ARHGEF12: variants seen among roughly 807,000 people sequenced by gnomAD.
ARHGEF12 encodes the protein Rho guanine nucleotide exchange factor 12.
Under a neutral mutation model 211.2 loss-of-function variants are expected in ARHGEF12, and 66 were observed. The ratio of observed to expected loss-of-function variants is 0.31; its 90% confidence interval spans 0.26 to 0.38. The LOEUF is 0.38. ARHGEF12 is among the 10% of genes least tolerant of loss of function. The probability of loss-of-function intolerance (pLI) is 1.00; values close to 1 mark genes in which losing one functional copy is unlikely to be tolerated. For missense variants in ARHGEF12, 1,429 were observed against 1,869.5 expected (o/e 0.76, Z 4.34); for synonymous variants, 592 against 638.4 (o/e 0.93, Z 1.09).
At chr11:120,476,833 A>G in intron 34 of ARHGEF12, 85 bp downstream of exon 34, 1 of 1,119,186 alleles carries the variant, frequency 8.9e-7, no homozygotes, top group Non-Finnish European at 1.3e-6. Context: ...CTTTGTTTTT[A>G]TAATGTATGG....
At chr11:120,460,169 A>AT (rs1453306954) in intron 26 of ARHGEF12, among the ~76,000 whole-genome samples, 2 of 152,166 alleles carry the variant, frequency 1.3e-5, no homozygotes, top group African/African-American at 4.8e-5. Flanking sequence ...ATGACCCTTA[A>AT]TTTTTTTATC....
At chr11:120,467,960 C>T (rs1946757665) in intron 29 of ARHGEF12, among the ~76,000 whole-genome samples, 2 of 152,140 alleles carry the variant, frequency 1.3e-5, no homozygotes, top group Non-Finnish European at 2.9e-5. Context: ...GTAGTTTTAT[C>T]GGTGCCCATT....
rs766894 is a variant in ARHGEF12, at chr11:120,458,149, T to C, written c.2295T>C (p.Asp765=). Residue 765 remains aspartate, a synonymous_variant, in exon 25 of 41, where the codon GAT becomes GAC. Coordinates refer to ENST00000397843, the MANE Select transcript of ARHGEF12 (RefSeq NM_015313.3). ...AATTTGAAAATGACTTAGAGACAGA[T>C]CCACCCAACTGGCAGCAGCTTGTTA... The part of the protein sequence containing the change: ...DEQFENDLET[D]PPNWQQLVSR... 0.21 allele frequency: 330,978 copies of C among 1,611,328 alleles called. 36,525 individuals carry two copies. Among genetic ancestry groups the C allele is most frequent in the Non-Finnish European group, 0.23 (266,302 of 1,179,276 alleles).
intron 1 of ARHGEF12, among the ~76,000 whole-genome samples, chr11:120,357,964 T>C (rs551366569): frequency 2.0e-5 from 3 of 152,146 alleles, no homozygotes; most frequent in Non-Finnish European, 4.4e-5. Flanking sequence ...AGGTTGATGA[T>C]GGATGGGCAC....
chr11:120,473,039 C>G lies in ARHGEF12; in HGVS notation c.2956-11C>G. On this transcript the variant is annotated splice_polypyrimidine_tract_variant and intron_variant, in intron 30 of 40. Transcript: ENST00000397843. ...AGCACTAACCTTGGTTCCACCCTGC[C>G]TAATTTTCAGCGCCTAGAAGATTAT... 1.2e-6 allele frequency: 2 copies of G among 1,613,198 alleles called. No individual in the cohort carries two copies. The highest frequency in any genetic ancestry group is 1.7e-6 in the Non-Finnish European group (2 of 1,179,434).
At chr11:120,354,835 T>C (rs184120810) in intron 1 of ARHGEF12, among the ~76,000 whole-genome samples, 23 of 152,356 alleles carry the variant, frequency 1.5e-4, no homozygotes, top group Admixed American at 1.5e-3. Context: ...CAAAAGGCAG[T>C]GCTCTTCGAA....
rs974395752 is a variant in ARHGEF12 at position 120,476,840 on chromosome 11, A to C, written c.3365+92A>C. 1.1e-5 allele frequency: 11 copies of C among 1,024,186 alleles called. No homozygotes were observed. In the African/African-American group the frequency reaches 1.3e-4, roughly 12 times the overall value. The allele number at this position is 1,024,186 out of a possible 1,614,324, so 63.4% of individuals were successfully genotyped here. A position where few individuals can be genotyped will look rare whatever the true frequency, so the allele number is the denominator to read the frequency against. On this transcript the variant is annotated intron_variant, in intron 34 of 40. Coordinates refer to ENST00000397843, the MANE Select transcript of ARHGEF12 (RefSeq NM_015313.3). ...AAACTTAACTTTGTTTTTATAATGTATGGAAACCAAGCACTTCCTCTGTAC... is the reference window on the plus strand; with the variant it reads ...AAACTTAACTTTGTTTTTATAATGTCTGGAAACCAAGCACTTCCTCTGTAC...
intron 1 of ARHGEF12, among the ~76,000 whole-genome samples, chr11:120,405,750 T>TA (rs1256143423): frequency 1.3e-5 from 2 of 152,196 alleles, no homozygotes; most frequent in Non-Finnish European, 2.9e-5. Context: ...AAATGGAAAG[T>TA]ATATCTCTTC....
At chr11:120,402,760 T>C (rs1408172042) in intron 1 of ARHGEF12, among the ~76,000 whole-genome samples, 1 of 152,192 alleles carries the variant, frequency 6.6e-6, no homozygotes, top group African/African-American at 2.4e-5. Context: ...CACTGAAGTA[T>C]TGTCAAAAGG....
intron 39 of ARHGEF12, 124 bp from the exon 40 acceptor site, chr11:120,484,314 T>C: frequency 1.4e-6 from 1 of 719,268 alleles, no homozygotes; most frequent in Non-Finnish European, 2.2e-6. Context: ...ATGAAGTTAA[T>C]ATTTTTGAAA....
At chr11:120,402,481 A>C (rs1218330657) in intron 1 of ARHGEF12, among the ~76,000 whole-genome samples, 1 of 152,216 alleles carries the variant, frequency 6.6e-6, no homozygotes, top group Non-Finnish European at 1.5e-5. Flanking sequence ...TACTAATGGA[A>C]TTCTTGATAA....
rs965797122 is a variant in ARHGEF12 at position 120,453,025 on chromosome 11, A to T, written c.2056+1301A>T. ...AAAAAACAAAAACAAAAACAAAAAA[A>T]AACGACAAGATAATGGTCCAAAAAT... On this transcript the variant is annotated intron_variant, in intron 22 of 40. Coordinates refer to ENST00000397843, the MANE Select transcript of ARHGEF12 (RefSeq NM_015313.3). 1.4e-3 allele frequency among the ~76,000 whole-genome samples: 220 copies of T among 152,116 alleles called. 4 individuals are homozygous for T. Among genetic ancestry groups the T allele is most frequent in the African/African-American group, 5.1e-3 (210 of 41,496 alleles).
At chr11:120,447,966 C>A in intron 19 of ARHGEF12, 60 bp downstream of exon 19, 1 of 1,267,262 alleles carries the variant, frequency 7.9e-7, no homozygotes, top group Non-Finnish European at 1.1e-6. Flanking sequence ...TGTTTTTTTC[C>A]TTTCAGTCCT....
Position 120,483,190 on chromosome 11 carries a change from C to T in ARHGEF12, c.4555-1248C>T, listed in dbSNP as rs372291979. On this transcript the variant is annotated intron_variant, in intron 39 of 40. Transcript: ENST00000397843. Reference sequence around the variant, plus strand: ...ACTATTACTGAATATTAGTCATTTCCCCTACCTGATCAGCAATGCCATTAT... The same window carrying T: ...ACTATTACTGAATATTAGTCATTTCTCCTACCTGATCAGCAATGCCATTAT... 4.9e-4 allele frequency among the ~76,000 whole-genome samples: 74 copies of T among 152,008 alleles called. No individual in the cohort carries two copies. The East Asian group carries it at 0.012, about 25-fold the overall frequency.
rs372009004 is a variant in ARHGEF12, at chr11:120,398,488, A to T, written c.33-7630A>T. 3.9e-5 allele frequency among the ~76,000 whole-genome samples: 6 copies of T among 152,280 alleles called. No individual in the cohort carries two copies. In the East Asian group the frequency reaches 9.6e-4, roughly 24 times the overall value. On this transcript the variant is annotated intron_variant, in intron 1 of 40. Coordinates refer to ENST00000397843, the MANE Select transcript of ARHGEF12 (RefSeq NM_015313.3). Reference sequence around the variant, plus strand: ...TGGCATGCATATAATTAATTTCCTCATCTTTTCCTCATAAAATCAGAGGTC... The same window carrying T: ...TGGCATGCATATAATTAATTTCCTCTTCTTTTCCTCATAAAATCAGAGGTC...
intron 1 of ARHGEF12, among the ~76,000 whole-genome samples, chr11:120,361,508 G>A (rs1410875328): frequency 2.0e-5 from 3 of 152,218 alleles, no homozygotes; most frequent in African/African-American, 7.2e-5. Context: ...TTCTGAGTGT[G>A]TCAAGTTATT....
chr11:120,452,752 T>C (rs1397759077), intron 22 of ARHGEF12, among the ~76,000 whole-genome samples: 1 of 152,088 alleles, frequency 6.6e-6, no homozygotes, highest in Admixed American at 6.6e-5. Flanking sequence ...TCCCAGCACT[T>C]TGGGAGGCTG....
intron 14 of ARHGEF12, 139 bp from the exon 15 acceptor site, chr11:120,441,965 A>G: frequency 1.1e-6 from 1 of 896,372 alleles, no homozygotes; most frequent in Non-Finnish European, 1.7e-6. Context: ...CATTATTTTT[A>G]AAGACTTGGT....
chr11:120,472,122 A>G (rs1446170756), intron 30 of ARHGEF12, among the ~76,000 whole-genome samples: 1 of 151,870 alleles, frequency 6.6e-6, no homozygotes, highest in Non-Finnish European at 1.5e-5. Flanking sequence ...TAAGTCATAC[A>G]CCACACACAC....
Sources: gnomAD v4.1 joint callset for allele counts (sites outside exome capture counted in the v4.1 genomes callset) on GRCh38, gnomAD v4.1.1 for gene constraint, MANE v1.5 for transcripts, NCBI Gene and HGNC (gene_info 2026-07-23, HGNC 2026-07-21) for gene names.